CDYL: variants seen among roughly 807,000 people sequenced by gnomAD.
The protein encoded by CDYL is chromodomain Y-like protein.
Under a neutral mutation model 47.3 loss-of-function variants are expected in CDYL, and 8 were observed. That is an observed-to-expected ratio of 0.17 (90% confidence interval 0.10 to 0.31). The LOEUF (loss-of-function observed/expected upper bound fraction) is 0.31. CDYL is among the 10% of genes least tolerant of loss of function. CDYL has a pLI of 1.00. For missense variants in CDYL, 471 were observed against 701.4 expected (o/e 0.67, Z 3.71); for synonymous variants, 266 against 265.0 (o/e 1.00, Z -0.04).
chr6:4,876,529 G>GT (rs35232433), intron 1 of CDYL, among the ~76,000 whole-genome samples: 10,426 of 152,154 alleles, frequency 0.069, 427 homozygotes, highest in Middle Eastern at 0.11. Context: ...GCATGTAGTT[G>GT]TAACTTATTG....
chr6:4,867,810 T>C (rs1761363808), intron 1 of CDYL, among the ~76,000 whole-genome samples: 1 of 151,586 alleles, frequency 6.6e-6, no homozygotes, highest in African/African-American at 2.4e-5. Flanking sequence ...TTTTGCTGAT[T>C]TCCTTTTCTT....
chr6:4,917,900 C>G (rs1220706146), intron 2 of CDYL, among the ~76,000 whole-genome samples: 2 of 152,194 alleles, frequency 1.3e-5, no homozygotes, highest in Non-Finnish European at 2.9e-5. Flanking sequence ...ACTTGAACGT[C>G]TTAGCTTAGA....
intron 1 of CDYL, among the ~76,000 whole-genome samples, chr6:4,853,950 C>T (rs565283062): frequency 6.6e-6 from 1 of 152,336 alleles, no homozygotes; most frequent in African/African-American, 2.4e-5. Context: ...ATTTTGTTTT[C>T]CCGAAATTCA....
intron 1 of CDYL, among the ~76,000 whole-genome samples, chr6:4,824,291 T>TGGTA (rs1319687996): frequency 6.6e-6 from 1 of 152,204 alleles, no homozygotes; most frequent in Non-Finnish European, 1.5e-5. Context: ...TTGGGTCATA[T>TGGTA]GGTAATTCGA....
chr6:4,801,943 G>A (rs1180879286), intron 1 of CDYL, among the ~76,000 whole-genome samples: 1 of 152,186 alleles, frequency 6.6e-6, no homozygotes, highest in Non-Finnish European at 1.5e-5. Flanking sequence ...TCAGCTGTCA[G>A]CTAGGGATTT....
intron 1 of CDYL, among the ~76,000 whole-genome samples, chr6:4,819,109 A>T (rs1759751537): frequency 1.4e-5 from 1 of 69,860 alleles, no homozygotes; most frequent in Admixed American, 1.6e-4. Flanking sequence ...TTTTCTTTTT[A>T]GGTTCGTTCT....
At chr6:4,757,574 G>A (rs1758093857) in intron 3 of CDYL, among the ~76,000 whole-genome samples, 1 of 152,172 alleles carries the variant, frequency 6.6e-6, no homozygotes, top group African/African-American at 2.4e-5. Flanking sequence ...CCGAGATCAT[G>A]TAACTTACTA....
At chr6:4,792,641 G>A (rs1758958704) in intron 1 of CDYL, among the ~76,000 whole-genome samples, 1 of 151,844 alleles carries the variant, frequency 6.6e-6, no homozygotes, top group African/African-American at 2.4e-5. Flanking sequence ...TCACCATGTT[G>A]GCCAGGCTGG....
chr6:4,915,434 C>T (rs1456521859), intron 2 of CDYL, among the ~76,000 whole-genome samples: 2 of 152,192 alleles, frequency 1.3e-5, no homozygotes, highest in African/African-American at 4.8e-5. Flanking sequence ...TGAACTGCCT[C>T]TTGGCCAAGG....
chr6:4,866,421 G>A (rs1761324661), intron 1 of CDYL, among the ~76,000 whole-genome samples: 1 of 151,844 alleles, frequency 6.6e-6, no homozygotes, highest in Non-Finnish European at 1.5e-5. Flanking sequence ...ATGAAAAGAA[G>A]GTCACATCTA....
At chr6:4,724,731 C>T (rs912621102) in intron 2 of CDYL, 9 of 152,218 alleles carry the variant, frequency 5.9e-5, no homozygotes, top group African/African-American at 1.9e-4. Flanking sequence ...GGTTCGTGGT[C>T]TCACTGGCTT....
intron 2 of CDYL, among the ~76,000 whole-genome samples, chr6:4,718,224 T>C (rs1439105569): frequency 6.6e-6 from 1 of 152,152 alleles, no homozygotes; most frequent in Admixed American, 6.5e-5. Flanking sequence ...TATTATTTCA[T>C]TTTTTCTCAT....
intron 2 of CDYL, among the ~76,000 whole-genome samples, chr6:4,925,577 G>A (rs776818779): frequency 5.9e-5 from 9 of 151,728 alleles, no homozygotes; most frequent in African/African-American, 9.7e-5. Flanking sequence ...CACCACACTC[G>A]GCTAATTTTT....
At chr6:4,845,365 G>A (rs1581207567) in intron 1 of CDYL, among the ~76,000 whole-genome samples, 1 of 152,192 alleles carries the variant, frequency 6.6e-6, no homozygotes, top group East Asian at 1.9e-4. Flanking sequence ...GTTTTTTGAA[G>A]GCTAAATGAG....
intron 1 of CDYL, among the ~76,000 whole-genome samples, chr6:4,866,872 A>G (rs1162982130): frequency 6.6e-6 from 1 of 152,084 alleles, no homozygotes; most frequent in South Asian, 2.1e-4. Context: ...TCTACCAAAC[A>G]GTCAAGGGAA....
At chr6:4,830,262 C>G (rs1433080419) in intron 1 of CDYL, among the ~76,000 whole-genome samples, 1 of 152,200 alleles carries the variant, frequency 6.6e-6, no homozygotes, top group East Asian at 1.9e-4. Context: ...ATATAATAAA[C>G]AGTGTTAATA....
At chr6:4,828,776 A>G (rs906635058) in intron 1 of CDYL, among the ~76,000 whole-genome samples, 3 of 152,150 alleles carry the variant, frequency 2.0e-5, no homozygotes, top group South Asian at 2.1e-4. Context: ...CTGCTAGCCT[A>G]CTAGGCTCTG....
rs1757018291 is a variant in CDYL, at chr6:4,900,806, T to TCTATATCTATATAGATATAG, written c.691+8427_691+8428insCTATATCTATATAGATATAG. The stretch of plus-strand genomic sequence containing the variant: ...ATATATATATATATATATATATATA[T>TCTATATCTATATAGATATAG]ATATATATATATATATATATATATC... On this transcript the variant is annotated intron_variant, in intron 2 of 6. Transcript: ENST00000397588. Among the ~76,000 whole-genome samples the TCTATATCTATATAGATATAG allele has an allele frequency of 4.4e-5, 4 of 90,130 alleles. 1 individual carries two copies. Among genetic ancestry groups the TCTATATCTATATAGATATAG allele is most frequent in the African/African-American group, 1.8e-4 (4 of 22,284 alleles). The allele number at this position is 90,130 out of a possible 152,430, so 59.1% of individuals were successfully genotyped here. A position where few individuals can be genotyped will look rare whatever the true frequency, so the allele number is the denominator to read the frequency against.
At chr6:4,890,252 C>A in intron 1 of CDYL, 1 of 651,914 alleles carries the variant, frequency 1.5e-6, no homozygotes, top group Non-Finnish European at 1.9e-6. Flanking sequence ...TGGACTTTTC[C>A]AGAAATATGT....
Sources: allele counts gnomAD v4.1 joint callset (sites outside exome capture counted in the v4.1 genomes callset), GRCh38; gene constraint gnomAD v4.1.1; transcripts MANE v1.5; gene names NCBI Gene and HGNC (gene_info 2026-07-23, HGNC 2026-07-21).